Variants in TBX4 observed in about 807,000 individuals in gnomAD.
TBX4 encodes T-box transcription factor 4.
In TBX4, 13 loss-of-function variants were observed where a neutral mutation model predicts 54.6. That is an observed-to-expected ratio of 0.24 (90% CI 0.15 to 0.38). TBX4 has a LOEUF of 0.38. Among genes scored for constraint, TBX4 ranks in the 10% least tolerant of loss-of-function variants. The pLI is 1.00. For synonymous variants in TBX4, 314 were observed against 306.7 expected (o/e 1.02, Z -0.25); for missense variants, 631 against 728.5 (o/e 0.87, Z 1.54).
At position 61,472,363 on chromosome 17, in the gene TBX4, A is replaced by G. The variant is rs1291808617; in HGVS notation, c.549+4706A>G. On this transcript the variant is annotated intron_variant, in intron 5 of 8. Coordinates refer to ENST00000644296, the MANE Select transcript of TBX4 (RefSeq NM_001321120.2). The surrounding 1 kb of genome is among the most constrained non-coding windows in gnomAD (Gnocchi z 4.5). ...TCAGTTTGACAGGTGAAATGTGGAT[A>G]TCAGTGTTAGCTTTAATTTGCATTT... Among the ~76,000 whole-genome samples the G allele has an allele frequency of 6.6e-6, 1 of 152,234 alleles. No homozygotes were observed. The highest frequency in any genetic ancestry group is 2.4e-5 in the African/African-American group (1 of 41,450).
chr17:61,483,132 C>T lies in TBX4; in HGVS notation c.1257C>T (p.Asn419=), dbSNP rs1434813104. ...TGCCCCCACCTCCGCTGAGCTGTAA[C>T]ATGTGGACTTCAGTGTCGCCGTACA... ...DDLPPPPLSC[N]MWTSVSPYTS... The change falls in exon 9 of 9, where the codon AAC becomes AAT. Residue 419 remains asparagine (N), a synonymous_variant. Transcript: ENST00000644296. This position sits in a 1 kb window ranked among gnomAD's most constrained non-coding sequence, Gnocchi z 6.6. 2 of 1,614,024 alleles carry T rather than the reference C, an allele frequency of 1.2e-6. No individual in the cohort carries two copies. The highest frequency in any genetic ancestry group is 1.3e-5 in the African/African-American group (1 of 74,896).
rs2060650003 is a variant in TBX4, at chr17:61,479,766, GGA to G, written c.703-111_703-110del. 2.7e-6 allele frequency: 3 copies of G among 1,111,888 alleles called. No homozygotes were observed. The allele number at this position is 1,111,888 out of a possible 1,614,324, so 68.9% of individuals were successfully genotyped here. A position where few individuals can be genotyped will look rare whatever the true frequency, so the allele number is the denominator to read the frequency against. ...GAGGGTAGTGAGAAGCGGTGAGGCT[GGA>G]GAGCGACCCCTGAGGGAGGGAGGTT... On this transcript the variant is annotated intron_variant, in intron 6 of 8. Coordinates refer to ENST00000644296, the MANE Select transcript of TBX4 (RefSeq NM_001321120.2). The surrounding 1 kb of genome is among the most constrained non-coding windows in gnomAD (Gnocchi z 6.1).
chr17:61,477,615 C>T (rs1259526612), intron 5 of TBX4, among the ~76,000 whole-genome samples: 2 of 152,236 alleles, frequency 1.3e-5, no homozygotes, highest in Admixed American at 6.5e-5. Flanking sequence ...CTCCCCAGCA[C>T]ACCGTCAGCA....
chr17:61,483,083 C>T lies in TBX4; in HGVS notation c.1208C>T (p.Ala403Val). Reference sequence around the variant, plus strand: ...TACTCAGGTTCAGGGCCCGAGATTGCCGGGGTGTCTGGGGTGGACGACCTG... The same window carrying T: ...TACTCAGGTTCAGGGCCCGAGATTGTCGGGGTGTCTGGGGTGGACGACCTG... ...CMYSGSGPEI[A>V]GVSGVDDLPP... The change falls in exon 9 of 9, where the codon GCC becomes GTC. Residue 403 changes from alanine to valine, a missense_variant. Physicochemically the swap from Ala to Val is moderately conservative, Grantham distance 64. This residue lies in a region of TBX4 where 354 missense variants were observed against 368.9 expected (regional missense o/e 0.96). Transcript: ENST00000644296. This position sits in a 1 kb window ranked among gnomAD's most constrained non-coding sequence, Gnocchi z 6.6. 1 of 1,614,106 alleles carries T rather than the reference C, an allele frequency of 6.2e-7. No homozygotes were observed. The highest frequency in any genetic ancestry group is 8.5e-7 in the Non-Finnish European group (1 of 1,180,018).
rs376756518 is a variant in TBX4 at position 61,476,268 on chromosome 17, A to G, written c.550-2359A>G. Among the ~76,000 whole-genome samples the G allele has an allele frequency of 1.3e-5, 2 of 152,226 alleles. No homozygotes were observed. The highest frequency in any genetic ancestry group is 3.8e-4 in the East Asian group (2 of 5,202). On this transcript the variant is annotated intron_variant, in intron 5 of 8. Transcript: ENST00000644296. The surrounding 1 kb of genome is among the most constrained non-coding windows in gnomAD (Gnocchi z 6.5). ...CGTTCAGAGCAGGCCCTTGTACCTG[A>G]GACTTCCTGGAAGATCTGGGTCTTC... is the stretch of plus-strand genomic sequence containing the variant.
At position 61,484,458 on chromosome 17, in the gene TBX4, G is replaced by A. The variant is rs1769513776; in HGVS notation, c.*942G>A. The A allele has an allele frequency of 6.6e-6, 1 of 152,144 alleles. No homozygotes were observed. The highest frequency in any genetic ancestry group is 1.5e-5 in the Non-Finnish European group (1 of 68,018). The allele number at this position is 152,144 out of a possible 1,614,324, so 9.4% of individuals were successfully genotyped here. A position where few individuals can be genotyped will look rare whatever the true frequency, so the allele number is the denominator to read the frequency against. On this transcript the variant is annotated 3_prime_UTR_variant, in exon 9 of 9. Coordinates refer to ENST00000644296, the MANE Select transcript of TBX4 (RefSeq NM_001321120.2). This position sits in a 1 kb window ranked among gnomAD's most constrained non-coding sequence, Gnocchi z 4.1. ...CCCAGGAGGCCACACTGGAGCTGATGTCTGGCATCTCCAGGGCCTGTTCTG... is the reference window on the plus strand; with the variant it reads ...CCCAGGAGGCCACACTGGAGCTGATATCTGGCATCTCCAGGGCCTGTTCTG...
Position 61,478,690 on chromosome 17 carries a change from A to C in TBX4, c.613A>C (p.Asn205His). Residue 205 changes from asparagine to histidine, a missense_variant, in exon 6 of 9, where the codon AAT becomes CAT. Transcript: ENST00000644296. This position sits in a 1 kb window ranked among gnomAD's most constrained non-coding sequence, Gnocchi z 7.4. ...RLHIVKADEN[N>H]AFGSKNTAFC... ...CCACATCGTTAAGGCTGATGAGAAC[A>C]ATGCTTTCGGCTCCAAAAACACTGC... 6.2e-7 allele frequency: 1 copy of C among 1,614,198 alleles called. No individual in the cohort carries two copies. Among genetic ancestry groups the C allele is most frequent in the Non-Finnish European group, 8.5e-7 (1 of 1,180,042 alleles).
In TBX4 at chr17:61,479,647, C is replaced by A. The variant is rs1167099053; in HGVS notation, c.703-234C>A. 6.6e-6 allele frequency among the ~76,000 whole-genome samples: 1 copy of A among 152,076 alleles called. No homozygotes were observed. Reference sequence around the variant, plus strand: ...GACAAACCAGGTGTGAATGGCAAGGCCCACTTCCCCAGACCTGCCCCAGTT... The same window carrying A: ...GACAAACCAGGTGTGAATGGCAAGGACCACTTCCCCAGACCTGCCCCAGTT... On this transcript the variant is annotated intron_variant, in intron 6 of 8. Coordinates refer to ENST00000644296, the MANE Select transcript of TBX4 (RefSeq NM_001321120.2). The surrounding 1 kb of genome is among the most constrained non-coding windows in gnomAD (Gnocchi z 6.1).
chr17:61,460,666 C>T lies in TBX4; in HGVS notation c.281+3035C>T, dbSNP rs1255866800. ...ATCCCTCTCTTGGCCTCCCCACATC[C>T]CTGCCAAGCTTGATACATGTGAGAA... On this transcript the variant is annotated intron_variant, in intron 3 of 8. Coordinates refer to ENST00000644296, the MANE Select transcript of TBX4 (RefSeq NM_001321120.2). This position sits in a 1 kb window ranked among gnomAD's most constrained non-coding sequence, Gnocchi z 4.4. 1.3e-5 allele frequency among the ~76,000 whole-genome samples: 2 copies of T among 152,130 alleles called. No homozygotes were observed. Among genetic ancestry groups the T allele is most frequent in the African/African-American group, 4.8e-5 (2 of 41,426 alleles).
At chr17:61,456,421 A>C (rs2060449661) in intron 1 of TBX4, 67 bp from the exon 2 acceptor site, 5 of 1,533,380 alleles carry the variant, frequency 3.3e-6, no homozygotes, top group Non-Finnish European at 4.4e-6. Context: ...AATCGGCTGG[A>C]GAGGGCCAGG....
At chr17:61,456,416 G>T (rs2060449610) in intron 1 of TBX4, 72 bp from the exon 2 acceptor site, 1 of 1,531,766 alleles carries the variant, frequency 6.5e-7, no homozygotes. Flanking sequence ...CCCGGAATCG[G>T]CTGGAGAGGG....
Position 61,465,802 on chromosome 17 carries a change from C to T in TBX4, c.282-17C>T. On this transcript the variant is annotated splice_polypyrimidine_tract_variant and intron_variant, in intron 3 of 8. Transcript: ENST00000644296. The surrounding 1 kb of genome is among the most constrained non-coding windows in gnomAD (Gnocchi z 4.9). Reference sequence around the variant, plus strand: ...TGCTCTGTCCACACGCTCCGCCTCACCCCTCGGCTCCCCCAGGAGGATGTT... The same window carrying T: ...TGCTCTGTCCACACGCTCCGCCTCATCCCTCGGCTCCCCCAGGAGGATGTT... The T allele has an allele frequency of 6.2e-7, 1 of 1,613,768 alleles. No individual in the cohort carries two copies. The highest frequency in any genetic ancestry group is 1.3e-5 in the African/African-American group (1 of 75,042).
rs1216067828 is a variant in TBX4, at chr17:61,483,011, T to C, written c.1136T>C (p.Leu379Pro). Residue 379 changes from leucine (L) to proline (P), a missense_variant, in exon 9 of 9, where the codon CTG (leucine) becomes CCG (proline). By Grantham distance (98) the Leu-to-Pro change is moderately conservative. Coordinates refer to ENST00000644296, the MANE Select transcript of TBX4 (RefSeq NM_001321120.2). This position sits in a 1 kb window ranked among gnomAD's most constrained non-coding sequence, Gnocchi z 6.6. ...RSPPPYDQQM[L>P]SPSYCSEVTP... ...CCCCCTCCCTACGACCAGCAAATGCTGAGCCCCTCCTACTGCAGTGAGGTG... is the reference window on the plus strand; with the variant it reads ...CCCCCTCCCTACGACCAGCAAATGCCGAGCCCCTCCTACTGCAGTGAGGTG... 1.2e-5 allele frequency: 19 copies of C among 1,614,104 alleles called. No homozygotes were observed. Among genetic ancestry groups the C allele is most frequent in the Non-Finnish European group, 1.5e-5 (18 of 1,179,986 alleles).
Position 61,480,121 on chromosome 17 carries a change from A to T in TBX4, c.823A>T (p.Met275Leu), listed in dbSNP as rs541224543. 4 of 1,613,786 alleles carry T rather than the reference A, an allele frequency of 2.5e-6. No individual in the cohort carries two copies. The highest frequency in any genetic ancestry group is 3.4e-6 in the Non-Finnish European group (4 of 1,179,962). Residue 275 changes from methionine (M) to leucine (L), a missense_variant, in exon 8 of 9, where the codon ATG becomes TTG. This residue lies in a region of TBX4 where 354 missense variants were observed against 368.9 expected (regional missense o/e 0.96). Coordinates refer to ENST00000644296, the MANE Select transcript of TBX4 (RefSeq NM_001321120.2). The surrounding 1 kb of genome is among the most constrained non-coding windows in gnomAD (Gnocchi z 6.2). ...KEYPVISKSIMRQRLISPQLS... is the reference protein window; with the variant it reads ...KEYPVISKSILRQRLISPQLS... ...ATACCCCGTGATTTCCAAAAGCATC[A>T]TGAGGCAGAGGCTCATCTCCCCCCA...
Position 61,464,469 on chromosome 17 carries a change from T to C in TBX4, c.282-1350T>C, listed in dbSNP as rs2060521300. On this transcript the variant is annotated intron_variant, in intron 3 of 8. Coordinates refer to ENST00000644296, the MANE Select transcript of TBX4 (RefSeq NM_001321120.2). This position sits in a 1 kb window ranked among gnomAD's most constrained non-coding sequence, Gnocchi z 5.8. ...CCTCTGATCAGCTGTTTGTGGCATCTTGGACAGCTTCTCCAGGGTCCCGTA... is the reference window on the plus strand; with the variant it reads ...CCTCTGATCAGCTGTTTGTGGCATCCTGGACAGCTTCTCCAGGGTCCCGTA... The C allele has an allele frequency of 6.6e-6, 1 of 152,292 alleles. No homozygotes were observed. The allele number at this position is 152,292 out of a possible 1,614,324, so 9.4% of individuals were successfully genotyped here.
rs2060638590 is a variant in TBX4 at position 61,478,534 on chromosome 17, A to AG, written c.550-92dup. 4 of 1,567,958 alleles carry AG rather than the reference A, an allele frequency of 2.6e-6. No homozygotes were observed. Among genetic ancestry groups the AG allele is most frequent in the Non-Finnish European group, 3.5e-6 (4 of 1,139,762 alleles). On this transcript the variant is annotated intron_variant, in intron 5 of 8. Transcript: ENST00000644296. The surrounding 1 kb of genome is among the most constrained non-coding windows in gnomAD (Gnocchi z 7.4). ...CGGATCCTGGGCTTTGAGGAGAATG[A>AG]GAAAAACCAGGCCAGGGCCAGAAGA...
chr17:61,483,557 A>T lies in TBX4; in HGVS notation c.*41A>T, dbSNP rs1392882746. On this transcript the variant is annotated 3_prime_UTR_variant, in exon 9 of 9. Transcript: ENST00000644296. The surrounding 1 kb of genome is among the most constrained non-coding windows in gnomAD (Gnocchi z 6.6). ...CATAGCCCCGGGACCGTGTTGCTCC[A>T]GTATTAACCTCTGTGGGTGGCCTGC... 3 of 1,612,162 alleles carry T rather than the reference A, an allele frequency of 1.9e-6. No individual in the cohort carries two copies. The highest frequency in any genetic ancestry group is 2.5e-6 in the Non-Finnish European group (3 of 1,179,692).
rs941472179 is a variant in TBX4, at chr17:61,474,725, A to G, written c.550-3902A>G. 1.3e-5 allele frequency among the ~76,000 whole-genome samples: 2 copies of G among 152,200 alleles called. No homozygotes were observed. Among genetic ancestry groups the G allele is most frequent in the African/African-American group, 4.8e-5 (2 of 41,452 alleles). ...ACGTGGCTGGCCCATTTGGCCCCAT[A>G]TCCTCTGCAGCAAATATAAATGTGA... On this transcript the variant is annotated intron_variant, in intron 5 of 8. Transcript: ENST00000644296. This position sits in a 1 kb window ranked among gnomAD's most constrained non-coding sequence, Gnocchi z 4.6.
intron 2 of TBX4, among the ~76,000 whole-genome samples, chr17:61,456,879 G>A (rs542308701): frequency 2.0e-5 from 3 of 152,340 alleles, no homozygotes; most frequent in Non-Finnish European, 4.4e-5. Context: ...GAGCCCTCGG[G>A]GCTACTCTGG....
Sources: gnomAD v4.1 joint callset for allele counts (sites outside exome capture counted in the v4.1 genomes callset) on GRCh38, gnomAD v4.1.1 for gene constraint, gnomAD v4.1.1 regional missense constraint, Gnocchi (gnomAD v3.1) non-coding constraint, MANE v1.5 for transcripts, NCBI Gene and HGNC (gene_info 2026-07-23, HGNC 2026-07-21) for gene names.